The following SRGAP3 variants were observed in gnomAD, a reference collection of about 807,000 sequenced individuals.
SRGAP3 encodes the protein SLIT-ROBO Rho GTPase-activating protein 3.
In SRGAP3, 39 loss-of-function variants were observed where a neutral mutation model predicts 121.1. That is an observed-to-expected ratio of 0.32 (90% CI 0.25 to 0.42). The LOEUF is 0.42. SRGAP3 is among the 10% of genes least tolerant of loss of function. The pLI is 1.00. For missense variants in SRGAP3, 1,213 were observed against 1,470.6 expected (o/e 0.82, Z 2.86); for synonymous variants, 601 against 570.0 (o/e 1.05, Z -0.77).
In SRGAP3 at chr3:8,983,074, A is replaced by C. The variant is rs1375368532; in HGVS notation, c.*2445T>G. The C allele has an allele frequency of 4.4e-5, 10 of 226,788 alleles. No individual in the cohort carries two copies. The highest frequency in any genetic ancestry group is 1.8e-4 in the African/African-American group (8 of 44,922). 14.0% of individuals were successfully genotyped at this position (226,788 alleles called of 1,614,324 possible). On this transcript the variant is annotated 3_prime_UTR_variant, in exon 22 of 22. Coordinates refer to ENST00000383836, the MANE Select transcript of SRGAP3 (RefSeq NM_014850.4). ...TATATTTTGCCTGGGAGGCTACTGGATTTAGGATCTGGGAGTATCTTGAGG... is the reference window on the plus strand; with the variant it reads ...TATATTTTGCCTGGGAGGCTACTGGCTTTAGGATCTGGGAGTATCTTGAGG...
rs113503361 is a variant in SRGAP3 at position 9,223,041 on chromosome 3, T to C, written c.67+25844A>G. On this transcript the variant is annotated intron_variant, in intron 1 of 21. Transcript: ENST00000383836. ...TGAGAGTGCAGTCCTTGTGTGAGACTCACTGGACACTTAAAGAATCATCTC... is the reference window on the plus strand; with the variant it reads ...TGAGAGTGCAGTCCTTGTGTGAGACCCACTGGACACTTAAAGAATCATCTC... Among the ~76,000 whole-genome samples, 655 of 152,328 alleles carry C rather than the reference T, an allele frequency of 4.3e-3. 8 individuals are homozygous for C. Among genetic ancestry groups the C allele is most frequent in the African/African-American group, 0.015 (623 of 41,558 alleles).
At chr3:9,100,106 A>C (rs1560146895) in intron 3 of SRGAP3, among the ~76,000 whole-genome samples, 1 of 152,190 alleles carries the variant, frequency 6.6e-6, no homozygotes, top group African/African-American at 2.4e-5. Context: ...TAAATGTTTA[A>C]ATGTCAACTT....
At chr3:9,203,986 C>T (rs1031433054) in intron 1 of SRGAP3, among the ~76,000 whole-genome samples, 9 of 152,158 alleles carry the variant, frequency 5.9e-5, no homozygotes, top group South Asian at 2.1e-4. Context: ...CCCCCACGCC[C>T]CACCAAAACA....
rs779782517 is a variant in SRGAP3, at chr3:9,010,333, G to A, written c.2202C>T (p.Gly734=). 1.9e-6 allele frequency: 3 copies of A among 1,613,994 alleles called. No individual in the cohort carries two copies. In the East Asian group the frequency reaches 6.7e-5, roughly 36 times the overall value. Residue 734 remains glycine, a synonymous_variant, in exon 18 of 22, where the codon GGC becomes GGT. Coordinates refer to ENST00000383836, the MANE Select transcript of SRGAP3 (RefSeq NM_014850.4). ...GAIDEVDHDN[G]TEPHTSDEEV... The stretch of plus-strand genomic sequence containing the variant: ...CTTCATCGCTGGTATGAGGCTCAGT[G>A]CCATTGTCATGGTCAACTTCATCGA...
At chr3:9,191,047 A>G (rs1458644497) in intron 1 of SRGAP3, among the ~76,000 whole-genome samples, 2 of 152,056 alleles carry the variant, frequency 1.3e-5, no homozygotes, top group African/African-American at 4.8e-5. Context: ...TTCTTCCTAC[A>G]GAAAAAAAAA....
intron 8 of SRGAP3, among the ~76,000 whole-genome samples, chr3:9,054,030 T>C (rs556724655): frequency 9.3e-5 from 14 of 151,248 alleles, no homozygotes; most frequent in African/African-American, 2.2e-4. Flanking sequence ...CCTGGTGACA[T>C]TGGTCCCCCC....
intron 1 of SRGAP3, among the ~76,000 whole-genome samples, chr3:9,142,998 C>T (rs545921616): frequency 2.6e-5 from 4 of 151,782 alleles, no homozygotes; most frequent in Admixed American, 2.0e-4. Context: ...CCACCACACC[C>T]GGCTAATTTT....
chr3:9,200,098 G>A (rs1206239193), intron 1 of SRGAP3, among the ~76,000 whole-genome samples: 5 of 152,192 alleles, frequency 3.3e-5, no homozygotes, highest in East Asian at 1.9e-4. Flanking sequence ...GCAAGGCATC[G>A]CCTGTGTGCT....
At chr3:9,359,794 C>T (rs1159409453) in intron 1 of SRGAP3, among the ~76,000 whole-genome samples, 1 of 152,190 alleles carries the variant, frequency 6.6e-6, no homozygotes, top group African/African-American at 2.4e-5. Flanking sequence ...GTATTCCATT[C>T]CTTTTTATGA....
intron 1 of SRGAP3, among the ~76,000 whole-genome samples, chr3:9,156,859 G>A (rs1236739282): frequency 2.0e-5 from 3 of 152,154 alleles, no homozygotes; most frequent in Non-Finnish European, 4.4e-5. Flanking sequence ...ACAGACAGGA[G>A]GCAGCCAAGC....
At chr3:9,026,176 T>C (rs542201037) in intron 13 of SRGAP3, among the ~76,000 whole-genome samples, 3 of 152,286 alleles carry the variant, frequency 2.0e-5, no homozygotes, top group South Asian at 2.1e-4. Context: ...AGTTCAAACA[T>C]CACCCCCTCG....
At chr3:9,300,167 ATCT>A (rs1559266373) in intron 3 of SRGAP3, among the ~76,000 whole-genome samples, 4 of 132,458 alleles carry the variant, frequency 3.0e-5, no homozygotes, top group Non-Finnish European at 4.8e-5. Context: ...CACCATCATC[ATCT>A]TCATCATCAC....
chr3:9,211,235 ACT>A (rs1222133765), intron 1 of SRGAP3, among the ~76,000 whole-genome samples: 2 of 152,150 alleles, frequency 1.3e-5, no homozygotes, highest in East Asian at 3.8e-4. Flanking sequence ...TTGAAAATTG[ACT>A]CTGTTTTGTT....
intron 13 of SRGAP3, 144 bp downstream of exon 13, chr3:9,026,791 G>A: frequency 1.1e-6 from 1 of 875,548 alleles, no homozygotes; most frequent in Admixed American, 1.8e-5. Context: ...CAGAAGAGCA[G>A]CTGCTGTGTG....
intron 11 of SRGAP3, chr3:9,035,617 G>A (rs571552102): frequency 2.2e-5 from 4 of 179,642 alleles, no homozygotes; most frequent in Middle Eastern, 2.2e-3. Context: ...AAAAAGGAAA[G>A]AAAGAAAGAA....
intron 3 of SRGAP3, among the ~76,000 whole-genome samples, chr3:9,082,806 A>T (rs1310713433): frequency 1.3e-5 from 2 of 152,246 alleles, no homozygotes; most frequent in Admixed American, 1.3e-4. Flanking sequence ...TATCAGAATG[A>T]TGCCTTCTCA....
In SRGAP3 at chr3:9,109,163, C is replaced by T. The variant is rs1948526821; in HGVS notation, c.261-4321G>A. Among the ~76,000 whole-genome samples, 1 of 152,126 alleles carries T rather than the reference C, an allele frequency of 6.6e-6. No homozygotes were observed. The highest frequency in any genetic ancestry group is 1.5e-5 in the Non-Finnish European group (1 of 68,012). On this transcript the variant is annotated intron_variant, in intron 2 of 21. Transcript: ENST00000383836. This position sits in a 1 kb window ranked among gnomAD's most constrained non-coding sequence, Gnocchi z 4.4. ...AATTACTTCAGGGGCTTAGCTGAAC[C>T]TGGGAGGCAAGAAGTGAACAGCACC...
chr3:9,200,516 A>G (rs1952038001), intron 1 of SRGAP3, among the ~76,000 whole-genome samples: 1 of 152,208 alleles, frequency 6.6e-6, no homozygotes, highest in Non-Finnish European at 1.5e-5. Context: ...TATGGAAGCA[A>G]TAAGGAGAAA....
chr3:9,162,536 C>G (rs1338529983), intron 1 of SRGAP3, among the ~76,000 whole-genome samples: 1 of 152,120 alleles, frequency 6.6e-6, no homozygotes, highest in African/African-American at 2.4e-5. Flanking sequence ...CTGAGTGATC[C>G]CTGCTCCTTC....
Sources: allele counts gnomAD v4.1 joint callset (sites outside exome capture counted in the v4.1 genomes callset), GRCh38; gene constraint gnomAD v4.1.1; non-coding constraint Gnocchi (gnomAD v3.1); transcripts MANE v1.5; gene names NCBI Gene and HGNC (gene_info 2026-07-23, HGNC 2026-07-21).